The following SGCD variants were observed in gnomAD, a reference collection of about 807,000 sequenced individuals.
The protein encoded by SGCD is sarcoglycan delta.
A neutral mutation model predicts 36.6 loss-of-function variants in SGCD; 18 were observed. The observed-to-expected ratio is 0.49, with a 90% confidence interval of 0.34 to 0.73. The LOEUF (loss-of-function observed/expected upper bound fraction) is 0.73. SGCD is among the 30% of genes least tolerant of loss of function. The probability of loss-of-function intolerance (pLI) is 0.01; values close to 1 mark genes in which losing one functional copy is unlikely to be tolerated. For synonymous variants in SGCD, 133 were observed against 130.6 expected, an observed-to-expected ratio of 1.02 and a Z score of -0.12; for missense variants, 387 against 346.7, an observed-to-expected ratio of 1.12 and a Z score of -0.92.
intron 3 of SGCD, among the ~76,000 whole-genome samples, chr5:156,170,779 T>C (rs1187448442): frequency 6.6e-6 from 1 of 152,222 alleles, no homozygotes; most frequent in Non-Finnish European, 1.5e-5. Context: ...CCTCTTGCCC[T>C]GGCTAAGTTC....
At chr5:155,976,491 G>A (rs368685956) in intron 1 of SGCD, among the ~76,000 whole-genome samples, 44 of 152,286 alleles carry the variant, frequency 2.9e-4, no homozygotes, top group Admixed American at 1.2e-3. Context: ...TACCAAGAAC[G>A]TAACACAGGC....
At chr5:156,071,310 C>T (rs1010124400) in intron 1 of SGCD, among the ~76,000 whole-genome samples, 3 of 152,164 alleles carry the variant, frequency 2.0e-5, no homozygotes, top group Non-Finnish European at 4.4e-5. Flanking sequence ...GAATGTGTCC[C>T]AGAGATTCTG....
At chr5:155,810,240 C>G in the SGCD span, among the ~76,000 whole-genome samples, 1 of 152,116 alleles carries the variant, frequency 6.6e-6, no homozygotes, top group East Asian at 1.9e-4. Context: ...TCTCTACTTT[C>G]CTTCATTTTT....
the SGCD span, among the ~76,000 whole-genome samples, chr5:155,853,300 T>C: frequency 6.6e-6 from 1 of 152,050 alleles, no homozygotes; most frequent in African/African-American, 2.4e-5. Flanking sequence ...GGCTCTTTAG[T>C]CTTGGTACAA....
chr5:156,715,079 C>T (rs1351087123), intron 7 of SGCD, among the ~76,000 whole-genome samples: 1 of 152,228 alleles, frequency 6.6e-6, no homozygotes, highest in South Asian at 2.1e-4. Flanking sequence ...ATTCATTCCA[C>T]CTCCAGAGTA....
intron 5 of SGCD, among the ~76,000 whole-genome samples, chr5:156,590,764 T>G (rs1760694773): frequency 6.6e-6 from 1 of 150,474 alleles, no homozygotes; most frequent in Admixed American, 6.7e-5. Flanking sequence ...ACTCTTCCTC[T>G]CCCTTCTCTC....
At position 156,476,311 on chromosome 5, in the gene SGCD, T is replaced by C. The variant is rs538163739; in HGVS notation, c.193-32290T>C. Among the ~76,000 whole-genome samples the C allele has an allele frequency of 3.9e-5, 6 of 152,018 alleles. No individual in the cohort carries two copies. In the East Asian group the frequency reaches 9.7e-4, roughly 24 times the overall value. ...GAAAAAATTAGTAAAATCCACAAAG[T>C]AGTGAGAAAAGAGGACATTCCAGAA... On this transcript the variant is annotated intron_variant, in intron 3 of 8. Transcript: ENST00000337851.
At chr5:155,923,517 C>G (rs375253356) in intron 1 of SGCD, among the ~76,000 whole-genome samples, 1 of 152,208 alleles carries the variant, frequency 6.6e-6, no homozygotes, top group African/African-American at 2.4e-5. Context: ...GTTTCATACT[C>G]TTTATATAAC....
intron 3 of SGCD, among the ~76,000 whole-genome samples, chr5:156,447,008 GC>G (rs1408863814): frequency 1.3e-5 from 2 of 152,116 alleles, no homozygotes; most frequent in Non-Finnish European, 2.9e-5. Context: ...AGACCATTAT[GC>G]CCTGTGCCTG....
In SGCD at chr5:156,700,942, CAAAA is replaced by C. The variant is rs66896485; in HGVS notation, c.575+53420_575+53423del. Among the ~76,000 whole-genome samples the C allele has an allele frequency of 1.0e-4, 13 of 128,442 alleles. 1 individual carries two copies. The highest frequency in any genetic ancestry group is 1.2e-4 in the African/African-American group (4 of 34,192). 84.3% of individuals were successfully genotyped at this position (128,442 alleles called of 152,430 possible). A position where few individuals can be genotyped will look rare whatever the true frequency, so the allele number is the denominator to read the frequency against. On this transcript the variant is annotated intron_variant, in intron 7 of 8. Transcript: ENST00000337851. ...TGGGCAATGGAGTGAGACCTTGTCT[CAAAA>C]AAAAAAAAAAAAAGAGAGAGAGAGA...
rs116181463 is a variant in SGCD at position 156,140,017 on chromosome 5, G to A, written c.-44+15998G>A. ...TCAGGAGGATGCAGCTTTCCTCTTG[G>A]AAGCAGACAGGACACCCCTCACCTG... On this transcript the variant is annotated intron_variant, in intron 3 of 9. Transcript: ENST00000517913. Among the ~76,000 whole-genome samples the A allele has an allele frequency of 4.6e-3, 705 of 152,248 alleles. 4 individuals are homozygous for A. The highest frequency in any genetic ancestry group is 0.013 in the African/African-American group (525 of 41,556).
rs552117574 is a variant in SGCD, at chr5:156,060,552, T to C, written c.-281-57326T>C. Among the ~76,000 whole-genome samples the C allele has an allele frequency of 2.9e-4, 43 of 146,370 alleles. 4 individuals are homozygous for C. The highest frequency in any genetic ancestry group is 2.6e-3 in the South Asian group (12 of 4,646). ...AAGGGGCATTTTGGGAACTAACCAATTGAGACTGGTTATAATGGGAATGGG... is the reference window on the plus strand; with the variant it reads ...AAGGGGCATTTTGGGAACTAACCAACTGAGACTGGTTATAATGGGAATGGG... On this transcript the variant is annotated intron_variant, in intron 1 of 9. Transcript: ENST00000517913.
chr5:156,423,602 T>C (rs76586020), intron 3 of SGCD, among the ~76,000 whole-genome samples: 2,050 of 151,292 alleles, frequency 0.014, 23 homozygotes, highest in Non-Finnish European at 0.023. Context: ...TTGAGAACAC[T>C]GCCTGACACT....
the SGCD span, among the ~76,000 whole-genome samples, chr5:155,771,645 G>A: frequency 3.9e-4 from 59 of 151,882 alleles, 2 homozygotes; most frequent in Middle Eastern, 0.01. Flanking sequence ...GGCTGTTCTC[G>A]AACTCCTGAC....
intron 3 of SGCD, among the ~76,000 whole-genome samples, chr5:156,353,264 C>T (rs1769342185): frequency 6.6e-6 from 1 of 152,086 alleles, no homozygotes; most frequent in Admixed American, 6.6e-5. Context: ...TAGGCAGTCA[C>T]TTTAAATTAA....
intron 1 of SGCD, among the ~76,000 whole-genome samples, chr5:155,915,628 C>A (rs1281901621): frequency 6.6e-6 from 1 of 151,996 alleles, no homozygotes; most frequent in African/African-American, 2.4e-5. Flanking sequence ...TGTTTGAAAA[C>A]AATTTGTGGT....
At chr5:156,434,269 C>T (rs1753148185) in intron 3 of SGCD, among the ~76,000 whole-genome samples, 1 of 152,144 alleles carries the variant, frequency 6.6e-6, no homozygotes, top group Non-Finnish European at 1.5e-5. Context: ...CAGTATGTTC[C>T]ATAAACTGAT....
intron 4 of SGCD, among the ~76,000 whole-genome samples, chr5:156,509,721 C>T (rs1008387504): frequency 1.4e-4 from 22 of 152,220 alleles, no homozygotes; most frequent in African/African-American, 5.1e-4. Context: ...TTCATTCCTT[C>T]TTTATTGCTG....
At chr5:156,624,828 T>C (rs972912113) in intron 6 of SGCD, among the ~76,000 whole-genome samples, 1 of 152,108 alleles carries the variant, frequency 6.6e-6, no homozygotes. Context: ...AAGGCCAAGT[T>C]TGAGTCAAGT....
Sources: gnomAD v4.1 joint callset for allele counts (sites outside exome capture counted in the v4.1 genomes callset) on GRCh38, gnomAD v4.1.1 for gene constraint, MANE v1.5 for transcripts, NCBI Gene and HGNC (gene_info 2026-07-23, HGNC 2026-07-21) for gene names.